The following TMEM132D variants were observed in gnomAD, a reference collection of about 807,000 sequenced individuals.
The protein encoded by TMEM132D is transmembrane protein 132D.
In TMEM132D, 21 loss-of-function variants were observed where a neutral mutation model predicts 62.3. That is an observed-to-expected ratio of 0.34 (90% CI 0.24 to 0.49). The LOEUF is 0.49. TMEM132D is among the 20% of genes least tolerant of loss of function. The pLI is 0.99. For synonymous variants in TMEM132D, 621 were observed against 575.6 expected (o/e 1.08, Z -1.13); for missense variants, 1,346 against 1,402.8 (o/e 0.96, Z 0.65).
At chr12:129,411,428 G>A (rs1360394883) in intron 3 of TMEM132D, among the ~76,000 whole-genome samples, 2 of 152,156 alleles carry the variant, frequency 1.3e-5, no homozygotes, top group Non-Finnish European at 2.9e-5. Context: ...GAGTGCAGTG[G>A]TGTGATCTTG....
chr12:129,849,043 T>C (rs1047589040), intron 1 of TMEM132D, among the ~76,000 whole-genome samples: 29 of 151,924 alleles, frequency 1.9e-4, no homozygotes, highest in Non-Finnish European at 2.9e-5. Flanking sequence ...AAGACTGGAG[T>C]AGGGGCTTAG....
At chr12:129,173,849 T>G (rs1877811136) in intron 5 of TMEM132D, among the ~76,000 whole-genome samples, 1 of 152,180 alleles carries the variant, frequency 6.6e-6, no homozygotes, top group Non-Finnish European at 1.5e-5. Flanking sequence ...TTGCCAGCAT[T>G]TTTAACAATC....
At chr12:129,081,361 C>A (rs754470806) in intron 7 of TMEM132D, among the ~76,000 whole-genome samples, 1 of 152,160 alleles carries the variant, frequency 6.6e-6, no homozygotes, top group Non-Finnish European at 1.5e-5. Flanking sequence ...TGTAGTGGCA[C>A]GATCTCAGAT....
At position 129,388,813 on chromosome 12, in the gene TMEM132D, TA is replaced by T. The variant is rs368184577; in HGVS notation, c.1116-50997del. The stretch of plus-strand genomic sequence containing the variant: ...ATAATATTAACACCAACACAAATCC[TA>T]ATATAAACACTAATAGCAACACCAA... On this transcript the variant is annotated intron_variant, in intron 3 of 8. Coordinates refer to ENST00000422113, the MANE Select transcript of TMEM132D (RefSeq NM_133448.3). Among the ~76,000 whole-genome samples, 368 of 96,284 alleles carry T rather than the reference TA, an allele frequency of 3.8e-3. 1 individual carries two copies. The highest frequency in any genetic ancestry group is 7.4e-3 in the African/African-American group (160 of 21,668). 63.2% of individuals were successfully genotyped at this position (96,284 alleles called of 152,430 possible).
chr12:129,510,566 A>T (rs1335658428), intron 3 of TMEM132D, among the ~76,000 whole-genome samples: 1 of 152,176 alleles, frequency 6.6e-6, no homozygotes, highest in Non-Finnish European at 1.5e-5. Context: ...AGTTTCCCTG[A>T]CGTCTTCTTG....
At chr12:129,674,254 A>G (rs963833724) in intron 2 of TMEM132D, among the ~76,000 whole-genome samples, 1 of 152,260 alleles carries the variant, frequency 6.6e-6, no homozygotes, top group African/African-American at 2.4e-5. Flanking sequence ...CTCAGCCTGC[A>G]TAGATCTGAA....
At chr12:129,136,959 C>G (rs998156860) in intron 5 of TMEM132D, among the ~76,000 whole-genome samples, 1 of 151,170 alleles carries the variant, frequency 6.6e-6, no homozygotes, top group Non-Finnish European at 1.5e-5. Flanking sequence ...TCATCACCAT[C>G]ATTATCATCA....
At chr12:129,749,094 G>A (rs189018195) in intron 1 of TMEM132D, among the ~76,000 whole-genome samples, 423 of 152,340 alleles carry the variant, frequency 2.8e-3, no homozygotes, top group African/African-American at 8.8e-3. Context: ...CAGTTCTTAA[G>A]TTGCTATGAT....
chr12:129,307,547 T>A (rs1881873402), intron 4 of TMEM132D, among the ~76,000 whole-genome samples: 1 of 152,094 alleles, frequency 6.6e-6, no homozygotes, highest in Non-Finnish European at 1.5e-5. Context: ...CTTAAAACCA[T>A]CTCATCCCTC....
chr12:129,143,151 G>A (rs1593275188), intron 5 of TMEM132D, among the ~76,000 whole-genome samples: 1 of 152,152 alleles, frequency 6.6e-6, no homozygotes, highest in East Asian at 1.9e-4. Context: ...TCCCACCAGT[G>A]GCAAGTCTGG....
intron 1 of TMEM132D, among the ~76,000 whole-genome samples, chr12:129,847,212 T>C (rs1287623345): frequency 3.3e-5 from 5 of 152,202 alleles, no homozygotes; most frequent in African/African-American, 1.2e-4. Context: ...AGAGCCTGGA[T>C]GTTGACTGGC....
rs2137226416 is a variant in TMEM132D at position 129,700,203 on chromosome 12, C to T, written c.575G>A (p.Cys192Tyr). The change falls in exon 2 of 9, where the codon TGC (cysteine) becomes TAC (tyrosine). Residue 192 changes from cysteine to tyrosine, a missense_variant. Coordinates refer to ENST00000422113, the MANE Select transcript of TMEM132D (RefSeq NM_133448.3). ...SCRLQGDLGL[C>Y]VAELELLSSW... ...GGACAGGAGCTCCAGCTCGGCCACG[C>T]ACAGCCCCAGGTCCCCCTGCAGCCG... 1 of 1,612,846 alleles carries T rather than the reference C, an allele frequency of 6.2e-7. No homozygotes were observed. The highest frequency in any genetic ancestry group is 8.5e-7 in the Non-Finnish European group (1 of 1,179,944).
At chr12:129,331,690 T>C (rs752450043) in intron 4 of TMEM132D, among the ~76,000 whole-genome samples, 1 of 152,218 alleles carries the variant, frequency 6.6e-6, no homozygotes, top group Non-Finnish European at 1.5e-5. Context: ...TGAAGAGGAC[T>C]TGTAACTATG....
intron 3 of TMEM132D, among the ~76,000 whole-genome samples, chr12:129,492,236 T>C (rs539383251): frequency 6.6e-6 from 1 of 152,338 alleles, no homozygotes; most frequent in South Asian, 2.1e-4. Flanking sequence ...TGGTTACAAA[T>C]GCAGTACTTG....
chr12:129,190,650 G>A (rs1254205021), intron 5 of TMEM132D, among the ~76,000 whole-genome samples: 3 of 151,606 alleles, frequency 2.0e-5, no homozygotes, highest in Admixed American at 6.6e-5. Flanking sequence ...TCTGGCAGCT[G>A]GAAAGTCAAG....
intron 4 of TMEM132D, among the ~76,000 whole-genome samples, chr12:129,324,514 A>C (rs1460213053): frequency 6.6e-6 from 1 of 151,894 alleles, no homozygotes; most frequent in Non-Finnish European, 1.5e-5. Flanking sequence ...CTTTTACCTT[A>C]ATTTCTTGAA....
intron 1 of TMEM132D, among the ~76,000 whole-genome samples, chr12:129,851,747 A>G (rs1473609139): frequency 6.6e-6 from 1 of 152,172 alleles, no homozygotes; most frequent in East Asian, 1.9e-4. Flanking sequence ...TGTCTATGTC[A>G]GGGGCCAGCA....
chr12:129,245,225 C>T (rs1284898248), intron 4 of TMEM132D, among the ~76,000 whole-genome samples: 1 of 152,188 alleles, frequency 6.6e-6, no homozygotes, highest in East Asian at 1.9e-4. Flanking sequence ...CCTCCCTCCC[C>T]CAACTCCTAA....
chr12:129,710,099 G>A (rs1881605153), intron 1 of TMEM132D, among the ~76,000 whole-genome samples: 1 of 152,126 alleles, frequency 6.6e-6, no homozygotes, highest in Admixed American at 6.5e-5. Flanking sequence ...TAGCACGTAT[G>A]AAAAGAAAGT....
Sources: gnomAD v4.1 joint callset for allele counts (sites outside exome capture counted in the v4.1 genomes callset) on GRCh38, gnomAD v4.1.1 for gene constraint, MANE v1.5 for transcripts, NCBI Gene and HGNC (gene_info 2026-07-23, HGNC 2026-07-21) for gene names.